Variants in AKAP7 observed in about 807,000 individuals in gnomAD.
AKAP7 encodes the protein A-kinase anchoring protein 7.
AKAP7 carries 39 observed loss-of-function variants against 39.5 expected under a neutral mutation model. The observed-to-expected ratio is 0.99, with a 90% CI of 0.76 to 1.29. The LOEUF is 1.29. Ranked by LOEUF, AKAP7 falls within the 50% of genes most tolerant of loss-of-function variation. The probability of loss-of-function intolerance (pLI) is 0.00; values close to 1 mark genes in which losing one functional copy is unlikely to be tolerated. For synonymous variants in AKAP7, 140 were observed against 139.1 expected, an observed-to-expected ratio of 1.01 and a Z score of -0.05; for missense variants, 414 against 407.7, an observed-to-expected ratio of 1.02 and a Z score of -0.13.
intron 7 of AKAP7, among the ~76,000 whole-genome samples, chr6:131,260,496 T>C (rs1813224038): frequency 6.6e-6 from 1 of 152,198 alleles, no homozygotes; most frequent in East Asian, 1.9e-4. Flanking sequence ...ATCGCCATTC[T>C]AACTGGTATT....
At position 131,281,990 on chromosome 6, in the gene AKAP7, A is replaced by G. The variant is rs1450490732; in HGVS notation, c.*264A>G. 18 of 1,182,542 alleles carry G rather than the reference A, an allele frequency of 1.5e-5. No homozygotes were observed. The highest frequency in any genetic ancestry group is 1.9e-5 in the Non-Finnish European group (18 of 957,754). The allele number at this position is 1,182,542 out of a possible 1,614,324, so 73.3% of individuals were successfully genotyped here. The stretch of plus-strand genomic sequence containing the variant: ...TCGCCCTCAGCCACGCACAAGGGAA[A>G]GGGAACTTTGGGTTATGCCTCCTGG... On this transcript the variant is annotated 3_prime_UTR_variant, in exon 8 of 8. Coordinates refer to ENST00000431975, the MANE Select transcript of AKAP7 (RefSeq NM_016377.4). The surrounding 1 kb of genome is among the most constrained non-coding windows in gnomAD (Gnocchi z 4.0).
At chr6:131,225,495 C>T (rs1356601926) in intron 7 of AKAP7, among the ~76,000 whole-genome samples, 1 of 152,118 alleles carries the variant, frequency 6.6e-6, no homozygotes, top group East Asian at 1.9e-4. Context: ...AAATATTTTC[C>T]AGGTATTATG....
intron 7 of AKAP7, among the ~76,000 whole-genome samples, chr6:131,248,060 T>C (rs534789017): frequency 6.6e-6 from 1 of 152,198 alleles, no homozygotes; most frequent in Non-Finnish European, 1.5e-5. Context: ...CCTTTTTGTT[T>C]GGAGGCCAGA....
chr6:131,175,135 GTTGA>G (rs1804451817), intron 5 of AKAP7, among the ~76,000 whole-genome samples: 1 of 152,186 alleles, frequency 6.6e-6, no homozygotes. Flanking sequence ...CATGTTTGCT[GTTGA>G]TTAAGTGGAA....
At chr6:131,201,269 A>G (rs143789656) in intron 6 of AKAP7, among the ~76,000 whole-genome samples, 99 of 152,250 alleles carry the variant, frequency 6.5e-4, no homozygotes, top group African/African-American at 2.3e-3. Context: ...GTTCCAAATC[A>G]TATTAATTAA....
At chr6:131,161,644 CAAAAAAAAAAAAAAAAAA>C (rs55744190) in intron 3 of AKAP7, among the ~76,000 whole-genome samples, 15 of 33,614 alleles carry the variant, frequency 4.5e-4, no homozygotes, top group East Asian at 3.0e-3. Flanking sequence ...GACTGTATCT[CAAAAAAAAAAAAAAAAAA>C]AAAAAAAAAA....
At chr6:131,228,580 T>A (rs1404212932) in intron 7 of AKAP7, among the ~76,000 whole-genome samples, 2 of 152,102 alleles carry the variant, frequency 1.3e-5, no homozygotes, top group African/African-American at 4.8e-5. Context: ...CTTAAATTCC[T>A]GGGCTCTTGC....
chr6:131,234,968 C>T (rs1810922661), intron 7 of AKAP7, among the ~76,000 whole-genome samples: 1 of 151,872 alleles, frequency 6.6e-6, no homozygotes, highest in African/African-American at 2.4e-5. Context: ...AGGTTTGTTA[C>T]ATATGTACAC....
chr6:131,158,181 A>C (rs2128236466), intron 2 of AKAP7, among the ~76,000 whole-genome samples: 1 of 152,350 alleles, frequency 6.6e-6, no homozygotes, highest in South Asian at 2.1e-4. Context: ...GTTGTGCAGA[A>C]CTTCAGTAGA....
chr6:131,265,757 T>G lies in AKAP7; in HGVS notation c.851-15773T>G, dbSNP rs932771853. ...GGAGCCACATAGGTCTACATTTCAC[T>G]TTGTCAGTTTTTAGTTTTGTAGACT... On this transcript the variant is annotated intron_variant, in intron 7 of 7. Transcript: ENST00000431975. 7.9e-5 allele frequency among the ~76,000 whole-genome samples: 12 copies of G among 152,316 alleles called. No homozygotes were observed. In the East Asian group the frequency reaches 1.5e-3, roughly 20 times the overall value.
At chr6:131,184,420 T>C in intron 5 of AKAP7, 1 of 659,236 alleles carries the variant, frequency 1.5e-6, no homozygotes, top group South Asian at 1.4e-5. Flanking sequence ...GGCTCAGATA[T>C]GGACGGAGTG....
At chr6:131,246,947 G>A (rs1240207617) in intron 7 of AKAP7, among the ~76,000 whole-genome samples, 1 of 133,878 alleles carries the variant, frequency 7.5e-6, no homozygotes, top group African/African-American at 2.9e-5. Flanking sequence ...ATTGAGTTCA[G>A]ATCCCCTTAT....
chr6:131,169,049 C>T (rs144597168), intron 4 of AKAP7, 64 bp from the exon 5 acceptor site: 1 of 1,372,850 alleles, frequency 7.3e-7, no homozygotes, highest in Non-Finnish European at 1.0e-6. Flanking sequence ...TACTTTGTAT[C>T]TTATTTGGTT....
At chr6:131,147,981 C>T (rs1025525982) in intron 2 of AKAP7, among the ~76,000 whole-genome samples, 1 of 152,222 alleles carries the variant, frequency 6.6e-6, no homozygotes, top group Non-Finnish European at 1.5e-5. Flanking sequence ...ATTCTTATAT[C>T]TCTACTGTTA....
Position 131,148,312 on chromosome 6 carries a change from G to T in AKAP7, c.151+2896G>T, listed in dbSNP as rs564299248. Among the ~76,000 whole-genome samples the T allele has an allele frequency of 4.5e-4, 69 of 152,300 alleles. No individual in the cohort carries two copies. The South Asian group carries it at 0.014, about 31-fold the overall frequency. ...GTTAGTCTAGACTGCAAACCACCATGTATTATATGACTTTTGTGGGAAGAT... is the reference window on the plus strand; with the variant it reads ...GTTAGTCTAGACTGCAAACCACCATTTATTATATGACTTTTGTGGGAAGAT... On this transcript the variant is annotated intron_variant, in intron 2 of 7. Coordinates refer to ENST00000431975, the MANE Select transcript of AKAP7 (RefSeq NM_016377.4).
At chr6:131,225,330 G>T (rs2128301877) in intron 7 of AKAP7, among the ~76,000 whole-genome samples, 1 of 152,122 alleles carries the variant, frequency 6.6e-6, no homozygotes, top group African/African-American at 2.4e-5. Flanking sequence ...TCACAGCCCT[G>T]GTCCCACAGG....
At chr6:131,249,024 A>T (rs922517670) in intron 7 of AKAP7, among the ~76,000 whole-genome samples, 1 of 152,218 alleles carries the variant, frequency 6.6e-6, no homozygotes, top group African/African-American at 2.4e-5. Context: ...ACCAAGGTAA[A>T]ATAAGCATCT....
At chr6:131,151,276 C>T (rs1438449372) in intron 2 of AKAP7, among the ~76,000 whole-genome samples, 2 of 151,404 alleles carry the variant, frequency 1.3e-5, no homozygotes, top group Non-Finnish European at 2.9e-5. Flanking sequence ...CTCGTGGGCT[C>T]AAGTGATCCA....
intron 7 of AKAP7, among the ~76,000 whole-genome samples, chr6:131,259,765 G>C (rs890025615): frequency 6.6e-6 from 1 of 152,106 alleles, no homozygotes; most frequent in Non-Finnish European, 1.5e-5. Flanking sequence ...ACTATTTTAA[G>C]TCACCGAACA....
Sources: gnomAD v4.1 joint callset for allele counts (sites outside exome capture counted in the v4.1 genomes callset) on GRCh38, gnomAD v4.1.1 for gene constraint, Gnocchi (gnomAD v3.1) non-coding constraint, MANE v1.5 for transcripts, NCBI Gene and HGNC (gene_info 2026-07-23, HGNC 2026-07-21) for gene names.